The following PLA2G4A variants were observed in gnomAD, a reference collection of about 807,000 sequenced individuals.
PLA2G4A encodes the protein phospholipase A2 group IVA.
Under a neutral mutation model 81.9 loss-of-function variants are expected in PLA2G4A, and 40 were observed. That is an observed-to-expected ratio of 0.49 (90% confidence interval 0.38 to 0.64). The LOEUF (loss-of-function observed/expected upper bound fraction) is 0.64, where lower values mean the gene tolerates loss of function less well. PLA2G4A is among the 30% of genes least tolerant of loss of function. The pLI is 0.00. For synonymous variants in PLA2G4A, 302 were observed against 296.9 expected (o/e 1.02, Z -0.18); for missense variants, 715 against 905.1 (o/e 0.79, Z 2.69).
chr1:186,861,404 T>G (rs1470546867), intron 2 of PLA2G4A, among the ~76,000 whole-genome samples: 2 of 152,212 alleles, frequency 1.3e-5, no homozygotes, highest in African/African-American at 2.4e-5. Context: ...CTCTGGGTTT[T>G]TGTGCTCTTT....
At chr1:186,949,859 CAAAAA>C (rs10592003) in intron 12 of PLA2G4A, among the ~76,000 whole-genome samples, 96,825 of 147,368 alleles carry the variant, frequency 0.66, 33,230 homozygotes, top group Non-Finnish European at 0.75. Flanking sequence ...TCATTTCTAC[CAAAAA>C]AAAAAAAAAA....
At chr1:186,913,521 A>T (rs1655037709) in intron 7 of PLA2G4A, among the ~76,000 whole-genome samples, 2 of 152,132 alleles carry the variant, frequency 1.3e-5, no homozygotes, top group Non-Finnish European at 2.9e-5. Context: ...GATGCTCATC[A>T]AATGATAATG....
At chr1:186,897,462 A>G (rs1654372290) in intron 5 of PLA2G4A, among the ~76,000 whole-genome samples, 1 of 151,878 alleles carries the variant, frequency 6.6e-6, no homozygotes. Context: ...AAATTCTATG[A>G]CCTAGAAAGA....
At chr1:186,950,224 G>A (rs1481657670) in intron 12 of PLA2G4A, among the ~76,000 whole-genome samples, 1 of 152,090 alleles carries the variant, frequency 6.6e-6, no homozygotes, top group Non-Finnish European at 1.5e-5. Flanking sequence ...ATTTATGTTA[G>A]TATCTTTCAT....
intron 5 of PLA2G4A, among the ~76,000 whole-genome samples, chr1:186,903,715 C>T (rs1216106529): frequency 2.6e-5 from 4 of 152,150 alleles, no homozygotes; most frequent in Non-Finnish European, 4.4e-5. Context: ...ACATGGAAGG[C>T]TTAGTTGCAG....
intron 2 of PLA2G4A, among the ~76,000 whole-genome samples, chr1:186,865,593 C>T (rs1652996087): frequency 6.6e-6 from 1 of 152,232 alleles, no homozygotes; most frequent in African/African-American, 2.4e-5. Context: ...TAGTCTTTGT[C>T]ATACTAACAG....
intron 13 of PLA2G4A, among the ~76,000 whole-genome samples, chr1:186,953,926 C>G (rs1181555766): frequency 1.4e-5 from 2 of 148,056 alleles, no homozygotes; most frequent in African/African-American, 2.4e-5. Flanking sequence ...AAATCGTTCA[C>G]TTTAAAGCCT....
chr1:186,970,271 G>C (rs946794891), intron 15 of PLA2G4A, among the ~76,000 whole-genome samples: 1 of 151,688 alleles, frequency 6.6e-6, no homozygotes, highest in African/African-American at 2.4e-5. Flanking sequence ...TTTTCCTATT[G>C]AGTTGTTTGA....
chr1:186,854,138 G>A, intron 1 of PLA2G4A, 148 bp from the exon 2 acceptor site: 1 of 489,736 alleles, frequency 2.0e-6, no homozygotes, highest in Non-Finnish European at 3.6e-6. Flanking sequence ...TAAGTGATGT[G>A]TGATAACCCA....
At chr1:186,933,437 A>C (rs1655824469) in intron 8 of PLA2G4A, among the ~76,000 whole-genome samples, 1 of 152,328 alleles carries the variant, frequency 6.6e-6, no homozygotes, top group Non-Finnish European at 1.5e-5. Flanking sequence ...TTTTAAATTT[A>C]GGTGGAGACT....
At position 186,932,780 on chromosome 1, in the gene PLA2G4A, A is replaced by G; in HGVS notation, c.576A>G (p.Ile192Met). 6.2e-7 allele frequency: 1 copy of G among 1,613,680 alleles called. No homozygotes were observed. The highest frequency in any genetic ancestry group is 8.5e-7 in the Non-Finnish European group (1 of 1,179,692). ...HSARDVPVVA[I>M]LGSGGGFRAM... ...CGTTTCAGGTGCCTGTGGTAGCCAT[A>G]TTGGGTTCAGGTGGGGGTTTCCGAG... The change falls in exon 8 of 18, where the codon ATA (isoleucine) becomes ATG (methionine). Residue 192 changes from isoleucine to methionine, a missense_variant. By Grantham distance (10) the Ile-to-Met change is conservative (BLOSUM62 1). Coordinates refer to ENST00000367466, the MANE Select transcript of PLA2G4A (RefSeq NM_024420.3).
chr1:186,966,386 A>G (rs895955653), intron 15 of PLA2G4A, among the ~76,000 whole-genome samples: 1 of 152,080 alleles, frequency 6.6e-6, no homozygotes, highest in Non-Finnish European at 1.5e-5. Flanking sequence ...GGAATCAAGG[A>G]CACAAGTGGG....
chr1:186,950,776 A>G lies in PLA2G4A; in HGVS notation c.1336+48A>G, dbSNP rs543269626. The stretch of plus-strand genomic sequence containing the variant: ...TGGCCCAGATCCATGAGGAAAGGAT[A>G]TGAACACTCTGTCTGATTTTCTCAC... On this transcript the variant is annotated intron_variant, in intron 13 of 17. Transcript: ENST00000367466. 76 of 949,090 alleles carry G rather than the reference A, an allele frequency of 8.0e-5. No homozygotes were observed. In the African/African-American group the frequency reaches 9.0e-4, roughly 11 times the overall value. The allele number at this position is 949,090 out of a possible 1,614,324, so 58.8% of individuals were successfully genotyped here.
At chr1:186,857,180 G>C (rs56264860) in intron 2 of PLA2G4A, among the ~76,000 whole-genome samples, 11,445 of 51,184 alleles carry the variant, frequency 0.22, 418 homozygotes, top group East Asian at 0.27. Flanking sequence ...TATATAATAT[G>C]TCTGCCATGT....
chr1:186,845,619 A>AT (rs1396741445), intron 1 of PLA2G4A, among the ~76,000 whole-genome samples: 3 of 151,942 alleles, frequency 2.0e-5, no homozygotes, highest in African/African-American at 7.3e-5. Context: ...TTGCATTCCT[A>AT]TCCCTCTTCC....
chr1:186,906,718 C>T (rs981850428), intron 5 of PLA2G4A, among the ~76,000 whole-genome samples: 5 of 152,228 alleles, frequency 3.3e-5, no homozygotes, highest in African/African-American at 1.2e-4. Context: ...AACAACCAGG[C>T]AGAGATAATT....
chr1:186,937,015 G>T (rs1157116789), intron 8 of PLA2G4A, among the ~76,000 whole-genome samples: 1 of 124,028 alleles, frequency 8.1e-6, no homozygotes, highest in Non-Finnish European at 1.6e-5. Flanking sequence ...AAAAACTGGG[G>T]TGATACTTTT....
chr1:186,835,984 C>T (rs959279680), intron 1 of PLA2G4A, among the ~76,000 whole-genome samples: 7 of 152,068 alleles, frequency 4.6e-5, no homozygotes, highest in African/African-American at 1.7e-4. Context: ...TTTTTTCCCT[C>T]TCACCTTTAT....
chr1:186,916,711 C>T (rs1156921761), intron 7 of PLA2G4A, among the ~76,000 whole-genome samples: 1 of 152,110 alleles, frequency 6.6e-6, no homozygotes, highest in Non-Finnish European at 1.5e-5. Context: ...GGCTACATAC[C>T]TGTACTGAGT....
Sources: gnomAD v4.1 joint callset for allele counts (sites outside exome capture counted in the v4.1 genomes callset) on GRCh38, gnomAD v4.1.1 for gene constraint, MANE v1.5 for transcripts, NCBI Gene and HGNC (gene_info 2026-07-23, HGNC 2026-07-21) for gene names.